The following FAR2 variants were observed in gnomAD, a reference collection of about 807,000 sequenced individuals.
FAR2 encodes the protein epididymis secretory protein Li 81.
FAR2 carries 19 observed loss-of-function variants against 56.0 expected under a neutral mutation model. The observed-to-expected ratio is 0.34, with a 90% CI of 0.24 to 0.50. FAR2 has a LOEUF of 0.50. Among genes scored for constraint, FAR2 ranks in the 20% least tolerant of loss-of-function variants. FAR2 has a pLI of 0.98. For missense variants in FAR2, 508 were observed against 642.2 expected (o/e 0.79, Z 2.26); for synonymous variants, 219 against 218.8 (o/e 1.00, Z -0.01).
rs1377850377 is a variant in FAR2, at chr12:29,313,870, T to G, written c.955+1920T>G. Among the ~76,000 whole-genome samples the G allele has an allele frequency of 3.3e-5, 5 of 152,198 alleles. No individual in the cohort carries two copies. In the East Asian group the frequency reaches 9.6e-4, roughly 29 times the overall value. ...TGCTTCATTTTCTACTGCATTGATA[T>G]ATTGCCTTATCTCTATTTTCTCCTT... On this transcript the variant is annotated intron_variant, in intron 8 of 11. Transcript: ENST00000536681.
At chr12:29,170,606 T>A (rs1949875625) in intron 1 of FAR2, among the ~76,000 whole-genome samples, 1 of 152,186 alleles carries the variant, frequency 6.6e-6, no homozygotes, top group Admixed American at 6.5e-5. Flanking sequence ...CCTCTTTGTC[T>A]GTTTCTTCCT....
At chr12:29,299,573 T>A (rs750457274) in intron 4 of FAR2, among the ~76,000 whole-genome samples, 6 of 152,332 alleles carry the variant, frequency 3.9e-5, no homozygotes, top group Middle Eastern at 3.4e-3. Context: ...GAACTAGGAA[T>A]GAAATTATTT....
rs762822381 is a variant in FAR2, at chr12:29,270,602, A to C, written c.153A>C (p.Thr51=). The C allele has an allele frequency of 5.6e-6, 9 of 1,613,756 alleles. No individual in the cohort carries two copies. In the South Asian group the frequency reaches 9.9e-5, roughly 18 times the overall value. The part of the protein sequence containing the change: ...YILVRPKAGQ[T]LQQRVFQILD... ...TTGTGAGGCCCAAGGCTGGCCAGACACTGCAGCAGAGGGTTTTCCAGATCC... is the reference window on the plus strand; with the variant it reads ...TTGTGAGGCCCAAGGCTGGCCAGACCCTGCAGCAGAGGGTTTTCCAGATCC... Residue 51 remains threonine (T), a synonymous_variant, in exon 2 of 12, where the codon ACA becomes ACC. Transcript: ENST00000536681.
In FAR2 at chr12:29,210,559, A is replaced by G. The variant is rs542570066; in HGVS notation, c.-38-59853A>G. Among the ~76,000 whole-genome samples the G allele has an allele frequency of 6.6e-5, 10 of 152,378 alleles. No homozygotes were observed. In the East Asian group the frequency reaches 1.9e-3, roughly 29 times the overall value. ...CAGTAGAGATTCTGGCAATAAGAAT[A>G]GATGAATATTCCGCAGTGACTTAGG... On this transcript the variant is annotated intron_variant, in intron 1 of 11. Coordinates refer to ENST00000536681, the MANE Select transcript of FAR2 (RefSeq NM_001271783.2).
chr12:29,269,623 T>G (rs1028565310), intron 1 of FAR2, among the ~76,000 whole-genome samples: 2 of 152,238 alleles, frequency 1.3e-5, no homozygotes, highest in African/African-American at 4.8e-5. Flanking sequence ...TGTTTAGAGA[T>G]TGCAGTAAAG....
chr12:29,215,706 T>C (rs1947613706), intron 1 of FAR2, among the ~76,000 whole-genome samples: 5 of 152,222 alleles, frequency 3.3e-5, no homozygotes, highest in Admixed American at 2.0e-4. Flanking sequence ...ACAGATTCTA[T>C]GTTGGTTCCA....
At chr12:29,241,872 T>C (rs1320283413) in intron 1 of FAR2, among the ~76,000 whole-genome samples, 1 of 152,208 alleles carries the variant, frequency 6.6e-6, no homozygotes, top group Non-Finnish European at 1.5e-5. Flanking sequence ...CTGATGGGTG[T>C]AGCACCCCCT....
chr12:29,333,713 T>C lies in FAR2; in HGVS notation c.1467T>C (p.Ala489=). 1 of 1,613,852 alleles carries C rather than the reference T, an allele frequency of 6.2e-7. No homozygotes were observed. Among genetic ancestry groups the C allele is most frequent in the Non-Finnish European group, 8.5e-7 (1 of 1,179,760 alleles). The change falls in exon 12 of 12, where the codon GCT becomes GCC. Residue 489 remains alanine, a synonymous_variant. Coordinates refer to ENST00000536681, the MANE Select transcript of FAR2 (RefSeq NM_001271783.2). ...WRLLIARSQM[A]RNVWFFIVSF... is the part of the protein sequence containing the mutation. Reference sequence around the variant, plus strand: ...TTCTCATTGCAAGATCTCAGATGGCTCGGAATGTCTGGTTCTTCATTGTAA... The same window carrying C: ...TTCTCATTGCAAGATCTCAGATGGCCCGGAATGTCTGGTTCTTCATTGTAA...
intron 1 of FAR2, among the ~76,000 whole-genome samples, chr12:29,263,801 C>A (rs972895365): frequency 1.3e-4 from 19 of 151,558 alleles, no homozygotes; most frequent in African/African-American, 4.6e-4. Flanking sequence ...AGTAATGAGG[C>A]CAAAGCCACA....
chr12:29,264,519 A>G (rs940399757), intron 1 of FAR2, among the ~76,000 whole-genome samples: 1 of 152,026 alleles, frequency 6.6e-6, no homozygotes, highest in Non-Finnish European at 1.5e-5. Context: ...TCTTGCCTGT[A>G]ATCCTAGCAC....
At chr12:29,274,048 TTTTTC>T (rs147058029) in intron 2 of FAR2, among the ~76,000 whole-genome samples, 20,431 of 152,008 alleles carry the variant, frequency 0.13, 1,411 homozygotes, top group Middle Eastern at 0.28. Flanking sequence ...TTTGTTTTTC[TTTTTC>T]TTTTTTTTAA....
chr12:29,311,666 T>TGTCACA (rs1949354495), intron 7 of FAR2, among the ~76,000 whole-genome samples: 1 of 147,426 alleles, frequency 6.8e-6, no homozygotes, highest in Non-Finnish European at 1.5e-5. Flanking sequence ...AACATCTCTT[T>TGTCACA]CACACACACA....
intron 1 of FAR2, among the ~76,000 whole-genome samples, chr12:29,160,752 G>A (rs932793889): frequency 1.3e-5 from 2 of 151,960 alleles, no homozygotes; most frequent in Admixed American, 6.6e-5. Flanking sequence ...TTCTCCTTGT[G>A]TCTCACATCC....
Position 29,311,049 on chromosome 12 carries a change from G to T in FAR2, c.790G>T (p.Ala264Ser). 6.2e-7 allele frequency: 1 copy of T among 1,613,312 alleles called. No homozygotes were observed. Among genetic ancestry groups the T allele is most frequent in the Non-Finnish European group, 8.5e-7 (1 of 1,179,426 alleles). The change falls in exon 7 of 12, where the codon GCC (alanine) becomes TCC (serine). Residue 264 changes from alanine (A) to serine (S), a missense_variant. Physicochemically the swap from Ala to Ser is moderately conservative, Grantham distance 99. Coordinates refer to ENST00000536681, the MANE Select transcript of FAR2 (RefSeq NM_001271783.2). ...IIATGKGFLR[A>S]IKATPMAVAD... Reference sequence around the variant, plus strand: ...GCAGACTGGGAAAGGGTTTCTTCGGGCCATAAAAGCTACTCCAATGGCTGT... The same window carrying T: ...GCAGACTGGGAAAGGGTTTCTTCGGTCCATAAAAGCTACTCCAATGGCTGT...
chr12:29,244,994 T>C (rs1315270268), intron 1 of FAR2, among the ~76,000 whole-genome samples: 2 of 152,096 alleles, frequency 1.3e-5, no homozygotes, highest in Non-Finnish European at 2.9e-5. Context: ...ACTTTTTTTT[T>C]TTTTTGAGAT....
intron 1 of FAR2, among the ~76,000 whole-genome samples, chr12:29,231,497 C>T (rs76431058): frequency 0.018 from 2,696 of 152,194 alleles, 44 homozygotes; most frequent in Middle Eastern, 0.034. Context: ...AGCAATTGTG[C>T]ACCCATCATG....
intron 1 of FAR2, among the ~76,000 whole-genome samples, chr12:29,266,525 G>A (rs1234766480): frequency 1.3e-5 from 2 of 152,140 alleles, no homozygotes; most frequent in East Asian, 3.9e-4. Flanking sequence ...GTTGAAGGGA[G>A]TGGGTAATGG....
intron 10 of FAR2, among the ~76,000 whole-genome samples, chr12:29,330,611 A>T (rs980755805): frequency 2.0e-5 from 3 of 152,186 alleles, no homozygotes; most frequent in Admixed American, 1.3e-4. Context: ...AGAACTACTA[A>T]ATCTTTAAGA....
chr12:29,226,650 C>T (rs1947773766), intron 1 of FAR2, among the ~76,000 whole-genome samples: 1 of 152,142 alleles, frequency 6.6e-6, no homozygotes, highest in Non-Finnish European at 1.5e-5. Context: ...TTCTGCCCAT[C>T]TTATCAGAGA....
Sources: allele counts gnomAD v4.1 joint callset (sites outside exome capture counted in the v4.1 genomes callset), GRCh38; gene constraint gnomAD v4.1.1; transcripts MANE v1.5; gene names NCBI Gene and HGNC (gene_info 2026-07-23, HGNC 2026-07-21).